The following C10orf88 variants were observed in gnomAD, a reference collection of about 807,000 sequenced individuals.
C10orf88 encodes ATPase PAAT.
In C10orf88, 29 loss-of-function variants were observed where a neutral mutation model predicts 34.2. That is an observed-to-expected ratio of 0.85 (90% CI 0.63 to 1.16). C10orf88 has a LOEUF of 1.16. Among genes scored for constraint, C10orf88 ranks in the 50% most tolerant of loss-of-function variants. The pLI is 0.00. For missense variants in C10orf88, 507 were observed against 533.2 expected, an observed-to-expected ratio of 0.95 and a Z score of 0.48; for synonymous variants, 194 against 197.4, an observed-to-expected ratio of 0.98 and a Z score of 0.15.
intron 1 of C10orf88, 59 bp downstream of exon 1, chr10:122,953,956 C>T (rs568220563): frequency 2.1e-6 from 3 of 1,456,930 alleles, no homozygotes; most frequent in Non-Finnish European, 1.8e-6. Flanking sequence ...CCTCACAGCT[C>T]CCCTAGAAGC....
At chr10:122,944,171 T>C (rs1289182834) in intron 4 of C10orf88, among the ~76,000 whole-genome samples, 2 of 151,768 alleles carry the variant, frequency 1.3e-5, no homozygotes, top group African/African-American at 2.4e-5. Flanking sequence ...GTGGCACATA[T>C]ACACCATGGA....
intron 4 of C10orf88, among the ~76,000 whole-genome samples, chr10:122,945,028 G>A (rs554061557): frequency 2.7e-5 from 4 of 150,204 alleles, no homozygotes; most frequent in Non-Finnish European, 4.4e-5. Flanking sequence ...AGATATATGC[G>A]TGTATATATG....
In C10orf88 at chr10:122,941,160, T is replaced by A. The variant is rs374163083; in HGVS notation, c.649-3001A>T. On this transcript the variant is annotated intron_variant, in intron 4 of 5. Transcript: ENST00000481909. ...TATAACTCCTAAATAACTGAATATGTTTTCTTTGAGAAAATGGGTCATATC... is the reference window on the plus strand; with the variant it reads ...TATAACTCCTAAATAACTGAATATGATTTCTTTGAGAAAATGGGTCATATC... Among the ~76,000 whole-genome samples the A allele has an allele frequency of 7.9e-5, 12 of 152,164 alleles. No individual in the cohort carries two copies. The East Asian group carries it at 2.1e-3, about 27-fold the overall frequency.
chr10:122,935,957 G>A (rs911080582), intron 5 of C10orf88, among the ~76,000 whole-genome samples: 2 of 151,552 alleles, frequency 1.3e-5, no homozygotes, highest in Non-Finnish European at 3.0e-5. Context: ...ATCTAGTTTG[G>A]TGTCAGGCTA....
At position 122,937,795 on chromosome 10, in the gene C10orf88, A is replaced by G. The variant is rs143584957; in HGVS notation, c.1013T>C (p.Leu338Ser). 6.2e-7 allele frequency: 1 copy of G among 1,613,260 alleles called. No individual in the cohort carries two copies. The highest frequency in any genetic ancestry group is 1.3e-5 in the African/African-American group (1 of 75,004). The change falls in exon 5 of 6, where the codon TTA (leucine) becomes TCA (serine). Residue 338 changes from leucine to serine, a missense_variant. Physicochemically the swap from Leu to Ser is moderately radical, Grantham distance 145 (BLOSUM62 -2). Transcript: ENST00000481909. Reference protein sequence around the residue: ...NSELLPFLQNLCSQVNHLHVG... With the variant: ...NSELLPFLQNSCSQVNHLHVG... ...ATGGAGATGATTAACTTGACTACAT[A>G]AATTCTGGAGAAAAGGCAGCAACTC...
chr10:122,949,884 G>T (rs1403619908), intron 3 of C10orf88, among the ~76,000 whole-genome samples: 1 of 152,128 alleles, frequency 6.6e-6, no homozygotes, highest in Admixed American at 6.5e-5. Flanking sequence ...TCAAAATGAT[G>T]TAATATAGCT....
chr10:122,952,233 TATAAC>T (rs2133337765), intron 2 of C10orf88, among the ~76,000 whole-genome samples: 1 of 152,316 alleles, frequency 6.6e-6, no homozygotes, highest in South Asian at 2.1e-4. Context: ...AATTACATTA[TATAAC>T]ATATGTACAA....
chr10:122,946,510 C>T (rs1309239264), intron 4 of C10orf88, among the ~76,000 whole-genome samples: 4 of 152,000 alleles, frequency 2.6e-5, no homozygotes, highest in African/African-American at 9.7e-5. Context: ...CCATGAAATC[C>T]CCTAATCACC....
At position 122,946,329 on chromosome 10, in the gene C10orf88, T is replaced by G. The variant is rs537856141; in HGVS notation, c.648+2320A>C. On this transcript the variant is annotated intron_variant, in intron 4 of 5. Coordinates refer to ENST00000481909, the MANE Select transcript of C10orf88 (RefSeq NM_024942.4). ...TATACAGGCGTGCCATTTTTCATCT[T>G]GTATACTATATTTTTACAGTACCTC... 1.1e-4 allele frequency among the ~76,000 whole-genome samples: 16 copies of G among 152,294 alleles called. No homozygotes were observed. In the South Asian group the frequency reaches 2.9e-3, roughly 28 times the overall value.
intron 3 of C10orf88, 50 bp downstream of exon 3, chr10:122,951,904 G>A (rs768402613): frequency 8.9e-7 from 1 of 1,121,904 alleles, no homozygotes; most frequent in Non-Finnish European, 1.3e-6. Context: ...AGCATACACA[G>A]AGTACAAAAA....
intron 4 of C10orf88, among the ~76,000 whole-genome samples, chr10:122,938,497 C>T (rs1234501431): frequency 6.6e-6 from 1 of 152,034 alleles, no homozygotes; most frequent in Non-Finnish European, 1.5e-5. Flanking sequence ...AATGTTTCCA[C>T]TACAAATGTC....
intron 5 of C10orf88, among the ~76,000 whole-genome samples, chr10:122,934,242 T>C (rs1390221431): frequency 2.6e-5 from 4 of 152,172 alleles, no homozygotes; most frequent in Non-Finnish European, 4.4e-5. Context: ...TTTTATCATA[T>C]GTACACATAT....
rs144056903 is a variant in C10orf88, at chr10:122,932,616, A to C, written c.1149T>G (p.Ser383=). The part of the protein sequence containing the change: ...SICSYLEKIL[S]KNMELMEKKL... ...TCTTTTCCATCAGTTCCATATTTTTAGAAAGAATCTTTTCCAAGTAGGAGC... is the reference window on the plus strand; with the variant it reads ...TCTTTTCCATCAGTTCCATATTTTTCGAAAGAATCTTTTCCAAGTAGGAGC... Residue 383 remains serine (S), a synonymous_variant, in exon 6 of 6, where the codon TCT becomes TCG. Transcript: ENST00000481909. The C allele has an allele frequency of 1.0e-3, 1,663 of 1,613,366 alleles. 2 individuals carry two copies. Among genetic ancestry groups the C allele is most frequent in the Non-Finnish European group, 1.2e-3 (1,368 of 1,179,734 alleles).
intron 5 of C10orf88, among the ~76,000 whole-genome samples, chr10:122,937,398 T>C (rs1173649407): frequency 6.6e-6 from 1 of 152,034 alleles, no homozygotes; most frequent in Non-Finnish European, 1.5e-5. Flanking sequence ...ATAAAGATTA[T>C]AATTCCCACA....
chr10:122,946,514 A>T (rs1848641012), intron 4 of C10orf88, among the ~76,000 whole-genome samples: 1 of 152,146 alleles, frequency 6.6e-6, no homozygotes, highest in Non-Finnish European at 1.5e-5. Context: ...GAAATCCCCT[A>T]ATCACCTTTG....
chr10:122,952,874 C>T lies in C10orf88; in HGVS notation c.323G>A (p.Cys108Tyr). 1 of 1,614,176 alleles carries T rather than the reference C, an allele frequency of 6.2e-7. No individual in the cohort carries two copies. Among genetic ancestry groups the T allele is most frequent in the Non-Finnish European group, 8.5e-7 (1 of 1,180,018 alleles). Residue 108 changes from cysteine (C) to tyrosine (Y), a missense_variant, in exon 2 of 6, where the codon TGT (cysteine) becomes TAT (tyrosine). Transcript: ENST00000481909. Reference sequence around the variant, plus strand: ...AACATTCTTGCCCCTACTGGTTCCACAGTACTCCTCTCCTAAGTACACTTC... The same window carrying T: ...AACATTCTTGCCCCTACTGGTTCCATAGTACTCCTCTCCTAAGTACACTTC... ...NMEVYLGEEY[C>Y]GTSRGKNVCT...
intron 5 of C10orf88, among the ~76,000 whole-genome samples, chr10:122,937,331 C>T (rs1848542538): frequency 6.6e-6 from 1 of 151,956 alleles, no homozygotes; most frequent in East Asian, 1.9e-4. Flanking sequence ...AGGAAAATGT[C>T]ACAATGACAT....
intron 5 of C10orf88, among the ~76,000 whole-genome samples, chr10:122,935,865 ATATTT>A (rs1162295241): frequency 2.0e-5 from 3 of 151,520 alleles, no homozygotes; most frequent in African/African-American, 4.8e-5. Flanking sequence ...ATTTTTTCAT[ATATTT>A]TATAAGTATT....
At chr10:122,953,484 C>T (rs1848713148) in intron 1 of C10orf88, among the ~76,000 whole-genome samples, 1 of 152,194 alleles carries the variant, frequency 6.6e-6, no homozygotes, top group African/African-American at 2.4e-5. Flanking sequence ...GAAGGTGTCA[C>T]ACATCAGGGC....
Sources: gnomAD v4.1 joint callset for allele counts (sites outside exome capture counted in the v4.1 genomes callset) on GRCh38, gnomAD v4.1.1 for gene constraint, MANE v1.5 for transcripts, NCBI Gene and HGNC (gene_info 2026-07-23, HGNC 2026-07-21) for gene names.